Variants in ZNF346 observed in about 807,000 individuals in gnomAD.
The protein encoded by ZNF346 is zinc finger protein 346, also known as double-stranded RNA-binding zinc finger protein JAZ.
A neutral mutation model predicts 33.7 loss-of-function variants in ZNF346; 23 were observed. That is an observed-to-expected ratio of 0.68 (90% CI 0.49 to 0.97). The LOEUF (loss-of-function observed/expected upper bound fraction) is 0.97. Ranked by LOEUF, ZNF346 falls within the 50% of genes least tolerant of loss-of-function variation. ZNF346 has a pLI of 0.00. For synonymous variants in ZNF346, 134 were observed against 142.4 expected (o/e 0.94, Z 0.42); for missense variants, 340 against 371.1 (o/e 0.92, Z 0.69).
intron 5 of ZNF346, among the ~76,000 whole-genome samples, chr5:177,060,037 T>C (rs890792112): frequency 1.3e-5 from 2 of 152,166 alleles, no homozygotes; most frequent in Admixed American, 1.3e-4. Context: ...GCGGAGGACA[T>C]GAGCAGGTGT....
intron 4 of ZNF346, among the ~76,000 whole-genome samples, chr5:177,050,125 C>T (rs533513181): frequency 2.6e-5 from 4 of 152,266 alleles, no homozygotes; most frequent in South Asian, 2.1e-4. Flanking sequence ...GTGAGCAAAA[C>T]GCATAACTAA....
At position 177,066,651 on chromosome 5, in the gene ZNF346, C is replaced by G. The variant is rs145810091; in HGVS notation, c.*2052C>G. 9.1e-3 allele frequency among the ~76,000 whole-genome samples: 1,383 copies of G among 151,898 alleles called. 8 individuals carry two copies. Among genetic ancestry groups the G allele is most frequent in the South Asian group, 0.025 (119 of 4,814 alleles). On this transcript the variant is annotated 3_prime_UTR_variant, in exon 7 of 7. Coordinates refer to ENST00000358149, the MANE Select transcript of ZNF346 (RefSeq NM_012279.4). ...AGGAGGCTAAGGCAGAAAGACCATTCAAGCCCAGGAGTTCCAGCCTGAAGT... is the reference window on the plus strand; with the variant it reads ...AGGAGGCTAAGGCAGAAAGACCATTGAAGCCCAGGAGTTCCAGCCTGAAGT...
chr5:177,051,362 A>C (rs2149669269), intron 5 of ZNF346, among the ~76,000 whole-genome samples: 1 of 150,988 alleles, frequency 6.6e-6, no homozygotes, highest in African/African-American at 2.4e-5. Context: ...TTTTTAGTAG[A>C]GACGGGGTTT....
rs901421203 is a variant in ZNF346, at chr5:177,032,412, G to A, written c.176-8714G>A. On this transcript the variant is annotated intron_variant, in intron 1 of 6. Coordinates refer to ENST00000358149, the MANE Select transcript of ZNF346 (RefSeq NM_012279.4). ...GGATTACAAGCATGAGCCACTGCAC[G>A]CAGCTTTTTTTTTTTGAGACAGAGT... Among the ~76,000 whole-genome samples, 36 of 151,106 alleles carry A rather than the reference G, an allele frequency of 2.4e-4. 1 individual carries two copies. The highest frequency in any genetic ancestry group is 1.1e-3 in the Admixed American group (17 of 15,124).
downstream of ZNF346, among the ~76,000 whole-genome samples, chr5:177,070,981 C>T (rs181697877): frequency 6.6e-6 from 1 of 152,316 alleles, no homozygotes; most frequent in Non-Finnish European, 1.5e-5. Flanking sequence ...GAAGCATACT[C>T]TTAGCCCAGA....
In ZNF346 at chr5:177,066,870, C is replaced by T. The variant is rs1783214167; in HGVS notation, c.*2271C>T. Among the ~76,000 whole-genome samples, 1 of 152,114 alleles carries T rather than the reference C, an allele frequency of 6.6e-6. No individual in the cohort carries two copies. Among genetic ancestry groups the T allele is most frequent in the South Asian group, 2.1e-4 (1 of 4,832 alleles). On this transcript the variant is annotated 3_prime_UTR_variant, in exon 7 of 7. Coordinates refer to ENST00000358149, the MANE Select transcript of ZNF346 (RefSeq NM_012279.4). ...GGTCAGAAGTTCGAGACCAGCCTGG[C>T]CAACATGATGGCAAAACCCCGTCCC...
intron 1 of ZNF346, among the ~76,000 whole-genome samples, chr5:177,026,617 C>T (rs2149576868): frequency 6.6e-6 from 1 of 152,208 alleles, no homozygotes; most frequent in South Asian, 2.1e-4. Context: ...CAGCCTTGGC[C>T]TCCCGAAGTG....
rs1237695703 is a variant in ZNF346, at chr5:177,066,625, C to T, written c.*2026C>T. On this transcript the variant is annotated 3_prime_UTR_variant, in exon 7 of 7. Transcript: ENST00000358149. Reference sequence around the variant, plus strand: ...TCATGCACCTATAGTCCCAGCTGCTCAGGAGGCTAAGGCAGAAAGACCATT... The same window carrying T: ...TCATGCACCTATAGTCCCAGCTGCTTAGGAGGCTAAGGCAGAAAGACCATT... Among the ~76,000 whole-genome samples the T allele has an allele frequency of 6.6e-6, 1 of 151,796 alleles. No homozygotes were observed. Among genetic ancestry groups the T allele is most frequent in the Non-Finnish European group, 1.5e-5 (1 of 68,014 alleles).
In ZNF346 at chr5:177,067,017, C is replaced by T. The variant is rs1480375232; in HGVS notation, c.*2418C>T. Among the ~76,000 whole-genome samples, 1 of 151,394 alleles carries T rather than the reference C, an allele frequency of 6.6e-6. No individual in the cohort carries two copies. The highest frequency in any genetic ancestry group is 1.5e-5 in the Non-Finnish European group (1 of 67,880). ...GCGGAGGGTCGCATTGAGCCAAGATCGTGCCACTGCACTCCAGCCTAGGTG... is the reference window on the plus strand; with the variant it reads ...GCGGAGGGTCGCATTGAGCCAAGATTGTGCCACTGCACTCCAGCCTAGGTG... On this transcript the variant is annotated 3_prime_UTR_variant, in exon 7 of 7. Transcript: ENST00000358149.
chr5:177,057,049 G>A (rs1470218017), intron 5 of ZNF346, among the ~76,000 whole-genome samples: 5 of 152,226 alleles, frequency 3.3e-5, no homozygotes, highest in African/African-American at 1.2e-4. Flanking sequence ...GATGGCTCAC[G>A]CCTGTAATCT....
In ZNF346 at chr5:177,031,964, C is replaced by A. The variant is rs1777762700; in HGVS notation, c.175+9051C>A. Among the ~76,000 whole-genome samples, 5 of 148,384 alleles carry A rather than the reference C, an allele frequency of 3.4e-5. No homozygotes were observed. The South Asian group carries it at 1.1e-3, about 32-fold the overall frequency. ...TTATTAGTAGCAGATCATCAGTACC[C>A]TTACATTTGCTTTCTTCATGCCTTT... On this transcript the variant is annotated intron_variant, in intron 1 of 6. Transcript: ENST00000358149.
intron 1 of ZNF346, among the ~76,000 whole-genome samples, chr5:177,028,496 T>TTATATATATATATATATATATA (rs150044807): frequency 0.015 from 1,334 of 90,224 alleles, 60 homozygotes; most frequent in African/African-American, 0.031. Context: ...TTGTGACGTT[T>TTATATATATATATATATATATA]TATATATATA....
chr5:177,051,750 G>A (rs1780946283), intron 5 of ZNF346: 1 of 151,578 alleles, frequency 6.6e-6, no homozygotes, highest in Non-Finnish European at 1.5e-5. Flanking sequence ...TGTTGGGCAG[G>A]ATGGTCTCGA....
In ZNF346 at chr5:177,062,160, C is replaced by T. The variant is rs769135099; in HGVS notation, c.797+9C>T. 6.2e-6 allele frequency: 10 copies of T among 1,612,898 alleles called. No individual in the cohort carries two copies. The highest frequency in any genetic ancestry group is 8.5e-6 in the Non-Finnish European group (10 of 1,179,074). ...TTCAAACACAAGAACCAGTAAGTAA[C>T]CATTTTTTGAAATTCTAGGATCCAT... On this transcript the variant is annotated intron_variant, in intron 6 of 6. Coordinates refer to ENST00000358149, the MANE Select transcript of ZNF346 (RefSeq NM_012279.4).
intron 4 of ZNF346, among the ~76,000 whole-genome samples, chr5:177,046,492 G>T (rs1411855792): frequency 6.6e-6 from 1 of 151,906 alleles, no homozygotes; most frequent in African/African-American, 2.4e-5. Flanking sequence ...TTTATATCCC[G>T]CTTTTACTTT....
chr5:177,057,653 G>A (rs1005607040), intron 5 of ZNF346, among the ~76,000 whole-genome samples: 1 of 151,410 alleles, frequency 6.6e-6, no homozygotes, highest in Admixed American at 6.6e-5. Flanking sequence ...CAGGAGAATC[G>A]CTTGAGCCTG....
chr5:177,060,536 A>T (rs1054038150), intron 5 of ZNF346, among the ~76,000 whole-genome samples: 1 of 151,694 alleles, frequency 6.6e-6, no homozygotes, highest in African/African-American at 2.4e-5. Flanking sequence ...GGCTGGGCAC[A>T]GTAGCTCAAC....
At chr5:177,064,142 T>A (rs1782899849) in intron 6 of ZNF346, among the ~76,000 whole-genome samples, 1 of 152,202 alleles carries the variant, frequency 6.6e-6, no homozygotes, top group Admixed American at 6.5e-5. Context: ...TTCATTTTAC[T>A]CTGCCACTAC....
chr5:177,061,935 G>C, intron 5 of ZNF346, 123 bp from the exon 6 acceptor site: 1 of 778,504 alleles, frequency 1.3e-6, no homozygotes, highest in South Asian at 1.6e-5. Context: ...TCTCATCAGG[G>C]CCAGCAACCT....
Sources: gnomAD v4.1 joint callset for allele counts (sites outside exome capture counted in the v4.1 genomes callset) on GRCh38, gnomAD v4.1.1 for gene constraint, MANE v1.5 for transcripts, NCBI Gene and HGNC (gene_info 2026-07-23, HGNC 2026-07-21) for gene names.